Variants in DCHS2 observed in about 807,000 individuals in gnomAD.
The protein encoded by DCHS2 is dachsous cadherin-related 2, also known as protocadherin-23.
DCHS2 carries 142 observed loss-of-function variants against 182.4 expected under a neutral mutation model. The observed-to-expected ratio is 0.78, with a 90% CI of 0.68 to 0.89. The LOEUF (loss-of-function observed/expected upper bound fraction) is 0.89. Ranked by LOEUF, DCHS2 falls within the 40% of genes least tolerant of loss-of-function variation. DCHS2 has a pLI of 0.00. For missense variants in DCHS2, 4,319 were observed against 4,198.6 expected (o/e 1.03, Z -0.79); for synonymous variants, 1,740 against 1,663.3 (o/e 1.05, Z -1.12).
At chr4:154,488,932 G>GTGTA (rs1405649817) in intron 1 of DCHS2, among the ~76,000 whole-genome samples, 1 of 145,042 alleles carries the variant, frequency 6.9e-6, no homozygotes, top group African/African-American at 2.5e-5. Flanking sequence ...GTGTGTGTGT[G>GTGTA]TATACATGTA....
At chr4:154,384,264 T>C in intron 1 of DCHS2, 2 of 1,485,940 alleles carry the variant, frequency 1.3e-6, no homozygotes, top group Non-Finnish European at 1.8e-6. Flanking sequence ...TCTGAATTAT[T>C]TGGCAGCCGT....
At chr4:154,394,227 C>T (rs188097287) in intron 1 of DCHS2, among the ~76,000 whole-genome samples, 29 of 152,224 alleles carry the variant, frequency 1.9e-4, no homozygotes, top group East Asian at 9.7e-4. Flanking sequence ...CTAACAACAC[C>T]GTACAGCAAA....
intron 14 of DCHS2, among the ~76,000 whole-genome samples, chr4:154,268,438 G>A (rs2111198790): frequency 6.6e-6 from 1 of 152,304 alleles, no homozygotes; most frequent in African/African-American, 2.4e-5. Context: ...GGAGACCCTG[G>A]ACAAAAGGAG....
At chr4:154,308,413 G>GCGC (rs1194726785) in intron 10 of DCHS2, among the ~76,000 whole-genome samples, 1 of 152,136 alleles carries the variant, frequency 6.6e-6, no homozygotes, top group Non-Finnish European at 1.5e-5. Context: ...CAATCAATGT[G>GCGC]CTGGCCATCA....
chr4:154,261,404 G>A lies in DCHS2; in HGVS notation c.6578-1648C>T, dbSNP rs569359431. Among the ~76,000 whole-genome samples the A allele has an allele frequency of 2.6e-5, 4 of 152,264 alleles. No homozygotes were observed. The East Asian group carries it at 7.7e-4, about 29-fold the overall frequency. Reference sequence around the variant, plus strand: ...TCACATATGGATTTAATATCTCTGTGAACTCTGAATTTAGAAAGAGAACAT... The same window carrying A: ...TCACATATGGATTTAATATCTCTGTAAACTCTGAATTTAGAAAGAGAACAT... On this transcript the variant is annotated intron_variant, in intron 14 of 19. Coordinates refer to ENST00000357232, the MANE Select transcript of DCHS2 (RefSeq NM_001358235.2).
intron 3 of DCHS2, among the ~76,000 whole-genome samples, chr4:154,345,652 T>C (rs1318804298): frequency 1.2e-5 from 1 of 82,766 alleles, no homozygotes; most frequent in East Asian, 3.7e-4. Context: ...GTATTTTCTG[T>C]TTTCCTGTTT....
At chr4:154,370,647 C>T (rs1348631419) in intron 2 of DCHS2, among the ~76,000 whole-genome samples, 1 of 152,090 alleles carries the variant, frequency 6.6e-6, no homozygotes, top group Non-Finnish European at 1.5e-5. Context: ...AGGGACATCT[C>T]TAAAAAGATA....
rs140771226 is a variant in DCHS2, at chr4:154,298,167, G to C, written c.6147C>G (p.Pro2049=). 2 of 1,613,830 alleles carry C rather than the reference G, an allele frequency of 1.2e-6. No individual in the cohort carries two copies. Among genetic ancestry groups the C allele is most frequent in the African/African-American group, 1.3e-5 (1 of 74,992 alleles). Residue 2049 remains proline, a synonymous_variant, in exon 13 of 20, where the codon CCC becomes CCG. Coordinates refer to ENST00000357232, the MANE Select transcript of DCHS2 (RefSeq NM_001358235.2). ...EQNPFDVFLS[P]ESPTNQTTVI... ...CAGTTGTCTGGTTTGTAGGCGACTC[G>C]GGGGAAAGAAACACATCAAAAGGGT...
chr4:154,367,945 C>T (rs1221002879), intron 2 of DCHS2, among the ~76,000 whole-genome samples: 2 of 133,510 alleles, frequency 1.5e-5, no homozygotes, highest in Non-Finnish European at 3.5e-5. Flanking sequence ...CTCTGAGGTC[C>T]CTTGTACTCC....
rs1001034354 is a variant in DCHS2, at chr4:154,343,692, C to T, written c.2477-8588G>A. Reference sequence around the variant, plus strand: ...GACCTTGCTCTGGATTAGGCTTTGGCTTAAGGGAATGATGTGGCTGCTTTG... The same window carrying T: ...GACCTTGCTCTGGATTAGGCTTTGGTTTAAGGGAATGATGTGGCTGCTTTG... On this transcript the variant is annotated intron_variant, in intron 3 of 19. Transcript: ENST00000357232. 1.8e-5 allele frequency: 24 copies of T among 1,344,014 alleles called. No homozygotes were observed. In the African/African-American group the frequency reaches 2.5e-4, roughly 14 times the overall value. The allele number at this position is 1,344,014 out of a possible 1,614,324, so 83.3% of individuals were successfully genotyped here. A position where few individuals can be genotyped will look rare whatever the true frequency, so the allele number is the denominator to read the frequency against.
intron 1 of DCHS2, among the ~76,000 whole-genome samples, chr4:154,442,765 T>C (rs907670436): frequency 1.3e-5 from 2 of 152,108 alleles, no homozygotes; most frequent in Admixed American, 6.5e-5. Context: ...AATTATCTAC[T>C]GTATTCCTGA....
intron 1 of DCHS2, among the ~76,000 whole-genome samples, chr4:154,442,896 T>C (rs1003658897): frequency 1.3e-5 from 2 of 152,042 alleles, no homozygotes; most frequent in Admixed American, 1.3e-4. Flanking sequence ...CATGCCCTCC[T>C]CATGCAAAAA....
chr4:154,335,836 T>G (rs1354410352), intron 3 of DCHS2, among the ~76,000 whole-genome samples: 1 of 152,214 alleles, frequency 6.6e-6, no homozygotes, highest in Non-Finnish European at 1.5e-5. Context: ...ATTTTAGAAG[T>G]ATATAAAGTC....
chr4:154,402,592 G>A (rs1732235757), intron 1 of DCHS2, among the ~76,000 whole-genome samples: 1 of 152,206 alleles, frequency 6.6e-6, no homozygotes, highest in South Asian at 2.1e-4. Flanking sequence ...GGATGGGGAG[G>A]CCTCACAATC....
chr4:154,418,380 G>A (rs1732960316), intron 1 of DCHS2, among the ~76,000 whole-genome samples: 1 of 152,206 alleles, frequency 6.6e-6, no homozygotes, highest in Non-Finnish European at 1.5e-5. Flanking sequence ...TCAAATGGCA[G>A]AAGCCCCTTG....
Position 154,232,484 on chromosome 4 carries a change from G to C in DCHS2, c.*2052C>G, listed in dbSNP as rs1440746484. 1.3e-5 allele frequency: 2 copies of C among 152,058 alleles called. No individual in the cohort carries two copies. Among genetic ancestry groups the C allele is most frequent in the Admixed American group, 6.6e-5 (1 of 15,230 alleles). The allele number at this position is 152,058 out of a possible 1,614,324, so 9.4% of individuals were successfully genotyped here. A position where few individuals can be genotyped will look rare whatever the true frequency, so the allele number is the denominator to read the frequency against. On this transcript the variant is annotated 3_prime_UTR_variant, in exon 20 of 20. Coordinates refer to ENST00000357232, the MANE Select transcript of DCHS2 (RefSeq NM_001358235.2). ...ATCCATAATGAGTAAATAAATCACA[G>C]TAATAAATAACTAACTTAGGGAATA...
Position 154,234,454 on chromosome 4 carries a change from C to A in DCHS2, c.*82G>T. 1 of 1,426,400 alleles carries A rather than the reference C, an allele frequency of 7.0e-7. No individual in the cohort carries two copies. The highest frequency in any genetic ancestry group is 1.7e-5 in the South Asian group (1 of 60,264). 88.4% of individuals were successfully genotyped at this position (1,426,400 alleles called of 1,614,324 possible). ...ACTTGCTTTTAGATAAAAATGAGCC[C>A]AATCTCGAGTTGCTGGCTTGAAAAC... On this transcript the variant is annotated 3_prime_UTR_variant, in exon 20 of 20. Coordinates refer to ENST00000357232, the MANE Select transcript of DCHS2 (RefSeq NM_001358235.2).
chr4:154,265,097 T>G (rs1238047522), intron 14 of DCHS2, among the ~76,000 whole-genome samples: 1 of 152,220 alleles, frequency 6.6e-6, no homozygotes, highest in African/African-American at 2.4e-5. Context: ...TTTTCAGATA[T>G]GATTTTATGT....
chr4:154,246,085 A>G (rs1467521166), intron 16 of DCHS2, among the ~76,000 whole-genome samples: 1 of 152,220 alleles, frequency 6.6e-6, no homozygotes, highest in Non-Finnish European at 1.5e-5. Context: ...AGAGGAGCAT[A>G]AAGATACGTG....
Sources: gnomAD v4.1 joint callset for allele counts (sites outside exome capture counted in the v4.1 genomes callset) on GRCh38, gnomAD v4.1.1 for gene constraint, MANE v1.5 for transcripts, NCBI Gene and HGNC (gene_info 2026-07-23, HGNC 2026-07-21) for gene names.